ATP10A: variants seen among roughly 807,000 people sequenced by gnomAD.
ATP10A encodes ATPase phospholipid transporting 10A (putative), also known as phospholipid-transporting ATPase VA.
ATP10A carries 111 observed loss-of-function variants against 147.8 expected under a neutral mutation model. That is an observed-to-expected ratio of 0.75 (90% CI 0.64 to 0.88). ATP10A has a LOEUF of 0.88. Ranked by LOEUF, ATP10A falls within the 40% of genes least tolerant of loss-of-function variation. The pLI, the probability that ATP10A is intolerant of heterozygous loss-of-function variation, is 0.00. For synonymous variants in ATP10A, 875 were observed against 841.6 expected (o/e 1.04, Z -0.69); for missense variants, 1,927 against 1,959.0 (o/e 0.98, Z 0.31).
At chr15:25,782,696 A>G (rs1889980402) in intron 1 of ATP10A, among the ~76,000 whole-genome samples, 1 of 152,204 alleles carries the variant, frequency 6.6e-6, no homozygotes, top group Non-Finnish European at 1.5e-5. Context: ...CATAATTTTT[A>G]GATTTCTTCT....
chr15:25,707,932 A>T, intron 12 of ATP10A, 44 bp downstream of exon 12: 1 of 1,602,082 alleles, frequency 6.2e-7, no homozygotes, highest in Non-Finnish European at 8.5e-7. Context: ...CCGTCCCTGC[A>T]AACTCCACAC....
rs1899773165 is a variant in ATP10A at position 25,687,734 on chromosome 15, T to C, written c.3260A>G (p.Asn1087Ser). 6.2e-7 allele frequency: 1 copy of C among 1,609,304 alleles called. No individual in the cohort carries two copies. Among genetic ancestry groups the C allele is most frequent in the African/African-American group, 1.3e-5 (1 of 74,830 alleles). Residue 1087 changes from asparagine to serine, a missense_variant, in exon 16 of 21, where the codon AAC becomes AGC. Coordinates refer to ENST00000555815, the MANE Select transcript of ATP10A (RefSeq NM_024490.4). ...HGHWCYSRLA[N>S]MVLYFFYKNT... Reference sequence around the variant, plus strand: ...TTTGTAGAAGAAGTACAGCACCATGTTGGCAAGTCGGGAGTAGCACCAATG... The same window carrying C: ...TTTGTAGAAGAAGTACAGCACCATGCTGGCAAGTCGGGAGTAGCACCAATG...
At chr15:25,748,628 G>A (rs963717457) in intron 2 of ATP10A, among the ~76,000 whole-genome samples, 1 of 151,754 alleles carries the variant, frequency 6.6e-6, no homozygotes, top group Non-Finnish European at 1.5e-5. Flanking sequence ...AACTGTACTG[G>A]AGTCCTTGCC....
At chr15:25,759,986 G>C (rs1350530986) in intron 2 of ATP10A, among the ~76,000 whole-genome samples, 10 of 143,782 alleles carry the variant, frequency 7.0e-5, no homozygotes, top group Non-Finnish European at 1.2e-4. Flanking sequence ...TTTTTTCTTT[G>C]AGATGAAGTC....
At chr15:25,735,266 G>C (rs1344931996) in intron 3 of ATP10A, among the ~76,000 whole-genome samples, 2 of 152,162 alleles carry the variant, frequency 1.3e-5, no homozygotes, top group African/African-American at 4.8e-5. Context: ...CCATCCCCAA[G>C]GGCCCTGGCA....
intron 12 of ATP10A, among the ~76,000 whole-genome samples, chr15:25,704,836 T>C (rs943134833): frequency 6.6e-6 from 1 of 152,176 alleles, no homozygotes; most frequent in Admixed American, 6.5e-5. Context: ...TGCCACTGTC[T>C]TTACGACCTG....
At chr15:25,686,223 A>C (rs1339244862) in intron 16 of ATP10A, among the ~76,000 whole-genome samples, 2 of 151,994 alleles carry the variant, frequency 1.3e-5, no homozygotes, top group Non-Finnish European at 2.9e-5. Context: ...GGGGAAAGAG[A>C]GGTTGGGAAA....
intron 1 of ATP10A, among the ~76,000 whole-genome samples, chr15:25,795,798 G>A (rs1322439729): frequency 6.6e-6 from 1 of 152,200 alleles, no homozygotes; most frequent in African/African-American, 2.4e-5. Flanking sequence ...TAGAGGTGGG[G>A]CCTCATGGGA....
chr15:25,758,865 ATT>A (rs1287432180), intron 2 of ATP10A, among the ~76,000 whole-genome samples: 1 of 148,972 alleles, frequency 6.7e-6, no homozygotes, highest in Non-Finnish European at 1.5e-5. Flanking sequence ...CTCCACCCTC[ATT>A]CCGACCACCT....
At position 25,771,523 on chromosome 15, in the gene ATP10A, A is replaced by C. The variant is rs191044604; in HGVS notation, c.654+9496T>G. Among the ~76,000 whole-genome samples the C allele has an allele frequency of 8.1e-4, 124 of 152,292 alleles. 1 individual carries two copies. Among genetic ancestry groups the C allele is most frequent in the African/African-American group, 2.8e-3 (118 of 41,562 alleles). ...TAGAGGCTTATCTTCCCAGCTACAG[A>C]ACAAAGACAAGACTCCTCCCTCCAC... is the stretch of plus-strand genomic sequence containing the variant. On this transcript the variant is annotated intron_variant, in intron 2 of 20. Transcript: ENST00000555815.
chr15:25,797,494 T>A (rs1890730699), intron 1 of ATP10A, among the ~76,000 whole-genome samples: 1 of 152,136 alleles, frequency 6.6e-6, no homozygotes, highest in South Asian at 2.1e-4. Flanking sequence ...ACTCAATTCT[T>A]CCTGACTTTC....
Position 25,683,406 on chromosome 15 carries a change from G to C in ATP10A, c.3372C>G (p.Ile1124Met). 2 of 1,614,068 alleles carry C rather than the reference G, an allele frequency of 1.2e-6. No individual in the cohort carries two copies. Among genetic ancestry groups the C allele is most frequent in the Non-Finnish European group, 1.7e-6 (2 of 1,180,014 alleles). Residue 1124 changes from isoleucine (I) to methionine (M), a missense_variant, in exon 17 of 21, where the codon ATC (isoleucine) becomes ATG (methionine). Physicochemically the swap from Ile to Met is conservative, Grantham distance 10 (BLOSUM62 1). Transcript: ENST00000555815. Reference sequence around the variant, plus strand: ...GTGACGAGAAGAGCAGATTAAAGAAGATTAGATACCACTGGTCAATCATGG... The same window carrying C: ...GTGACGAGAAGAGCAGATTAAAGAACATTAGATACCACTGGTCAATCATGG... ...ASTMIDQWYL[I>M]FFNLLFSSLP... is the part of the protein sequence containing the mutation.
At chr15:25,810,384 C>T (rs1278338083) in intron 1 of ATP10A, among the ~76,000 whole-genome samples, 4 of 152,232 alleles carry the variant, frequency 2.6e-5, no homozygotes, top group South Asian at 4.1e-4. Flanking sequence ...GCTGTCACCA[C>T]TGCTTATCAG....
chr15:25,840,151 T>C (rs76765530), intron 1 of ATP10A, among the ~76,000 whole-genome samples: 1 of 152,198 alleles, frequency 6.6e-6, no homozygotes, highest in Non-Finnish European at 1.5e-5. Flanking sequence ...GCAGCATATA[T>C]CCTTTTGAAA....
intron 1 of ATP10A, among the ~76,000 whole-genome samples, chr15:25,797,225 C>T (rs1466621944): frequency 4.6e-5 from 7 of 152,294 alleles, no homozygotes; most frequent in Admixed American, 3.3e-4. Context: ...GTGTTTGTCT[C>T]TGTGTGGCTG....
In ATP10A at chr15:25,725,953, A is replaced by T; in HGVS notation, c.977T>A (p.Val326Asp). The T allele has an allele frequency of 6.2e-7, 1 of 1,612,762 alleles. No individual in the cohort carries two copies. The highest frequency in any genetic ancestry group is 8.5e-7 in the Non-Finnish European group (1 of 1,179,150). ...TCCGATCCATCTAGGAGACTTACCG[A>T]CTGCTGAAAACAGAGACATGCAAAC... The part of the protein sequence containing the change: ...LLVCMSLFSA[V>D]GHGLWIWRYQ... The change falls in exon 5 of 21, where the codon GTC becomes GAC. Residue 326 changes from valine (V) to aspartate (D), a missense_variant and splice_region_variant. By Grantham distance (152) the Val-to-Asp change is radical (BLOSUM62 -3). Coordinates refer to ENST00000555815, the MANE Select transcript of ATP10A (RefSeq NM_024490.4).
chr15:25,703,110 C>A (rs1011829986), intron 12 of ATP10A, among the ~76,000 whole-genome samples: 3 of 152,226 alleles, frequency 2.0e-5, no homozygotes, highest in South Asian at 2.1e-4. Flanking sequence ...GTAATCCCAG[C>A]ACTTCGGGAG....
intron 2 of ATP10A, among the ~76,000 whole-genome samples, chr15:25,771,172 G>A (rs1292019164): frequency 6.6e-6 from 1 of 152,040 alleles, no homozygotes; most frequent in South Asian, 2.1e-4. Context: ...TCTTGGACTT[G>A]TGCCTTCCCC....
chr15:25,846,651 A>T (rs938843240), intron 1 of ATP10A, among the ~76,000 whole-genome samples: 1 of 152,174 alleles, frequency 6.6e-6, no homozygotes, highest in Non-Finnish European at 1.5e-5. Context: ...ACCTAGCCTG[A>T]CATGTGCCGG....
Sources: allele counts gnomAD v4.1 joint callset (sites outside exome capture counted in the v4.1 genomes callset), GRCh38; gene constraint gnomAD v4.1.1; transcripts MANE v1.5; gene names NCBI Gene and HGNC (gene_info 2026-07-23, HGNC 2026-07-21).